Variants in DYM observed in about 807,000 individuals in gnomAD.
The protein encoded by DYM is dyggve-Melchior-Clausen syndrome protein.
A neutral mutation model predicts 93.1 loss-of-function variants in DYM; 78 were observed. The ratio of observed to expected loss-of-function variants is 0.84; its 90% CI spans 0.70 to 1.01. DYM has a LOEUF of 1.01. DYM is among the 50% of genes least tolerant of loss of function. The pLI, the probability that DYM is intolerant of heterozygous loss-of-function variation, is 0.00. For synonymous variants in DYM, 321 were observed against 319.7 expected (o/e 1.00, Z -0.04); for missense variants, 789 against 845.0 (o/e 0.93, Z 0.82).
chr18:49,372,850 G>A (rs1293690947), intron 5 of DYM, among the ~76,000 whole-genome samples: 1 of 151,346 alleles, frequency 6.6e-6, no homozygotes, highest in African/African-American at 2.4e-5. Context: ...GAAAAGGTCT[G>A]TCAGTATGCA....
intron 13 of DYM, among the ~76,000 whole-genome samples, chr18:49,226,456 C>G (rs1352690554): frequency 6.6e-6 from 1 of 152,124 alleles, no homozygotes; most frequent in African/African-American, 2.4e-5. Context: ...TGGCTTGGTT[C>G]CCAGCAATGC....
At chr18:49,448,335 C>T (rs1433997305) in intron 1 of DYM, among the ~76,000 whole-genome samples, 1 of 152,150 alleles carries the variant, frequency 6.6e-6, no homozygotes, top group Non-Finnish European at 1.5e-5. Context: ...GAACCATTAT[C>T]TAAGGGTAAA....
rs200205718 is a variant in DYM at position 49,410,647 on chromosome 18, C to CA, written c.141-19003dup. On this transcript the variant is annotated intron_variant, in intron 2 of 17. Transcript: ENST00000675505. ...CAACATAGTGAGACCTTTTCTCTAC[C>CA]AAAAAAAAAAAAAAAATTAGCTGGG... is the stretch of plus-strand genomic sequence containing the variant. Among the ~76,000 whole-genome samples, 584 of 134,784 alleles carry CA rather than the reference C, an allele frequency of 4.3e-3. 2 individuals carry two copies. Among genetic ancestry groups the CA allele is most frequent in the Non-Finnish European group, 5.8e-3 (356 of 61,762 alleles). 88.4% of individuals were successfully genotyped at this position (134,784 alleles called of 152,430 possible). A position where few individuals can be genotyped will look rare whatever the true frequency, so the allele number is the denominator to read the frequency against.
At chr18:49,108,687 C>T (rs937804502) in intron 16 of DYM, among the ~76,000 whole-genome samples, 1 of 152,196 alleles carries the variant, frequency 6.6e-6, no homozygotes, top group Non-Finnish European at 1.5e-5. Context: ...TTCACGTGCA[C>T]TGATGTTGTT....
intron 13 of DYM, among the ~76,000 whole-genome samples, chr18:49,226,569 G>A (rs1244338033): frequency 6.6e-6 from 1 of 152,138 alleles, no homozygotes; most frequent in Non-Finnish European, 1.5e-5. Context: ...CTCCACAAAT[G>A]CAGACATTCA....
intron 17 of DYM, among the ~76,000 whole-genome samples, chr18:49,083,295 T>C (rs2078219364): frequency 1.3e-5 from 2 of 152,374 alleles, no homozygotes; most frequent in South Asian, 4.1e-4. Flanking sequence ...TCTACTAATA[T>C]GGCATATTAT....
chr18:49,337,124 G>A (rs1195653974), intron 6 of DYM, among the ~76,000 whole-genome samples: 1 of 152,102 alleles, frequency 6.6e-6, no homozygotes, highest in East Asian at 1.9e-4. Flanking sequence ...AAGCGTACAA[G>A]GCATATATAA....
At chr18:49,392,233 CAG>C (rs1203637829) in intron 2 of DYM, among the ~76,000 whole-genome samples, 22 of 152,014 alleles carry the variant, frequency 1.4e-4, no homozygotes, top group African/African-American at 5.1e-4. Context: ...CACAGATAGA[CAG>C]AGACAGAAAT....
intron 14 of DYM, among the ~76,000 whole-genome samples, chr18:49,180,782 T>C (rs904935496): frequency 6.6e-6 from 1 of 152,172 alleles, no homozygotes; most frequent in Non-Finnish European, 1.5e-5. Flanking sequence ...GAGACTCAGT[T>C]TCCTTATACT....
chr18:49,074,821 G>T (rs905733407), intron 17 of DYM, among the ~76,000 whole-genome samples: 25 of 152,192 alleles, frequency 1.6e-4, no homozygotes, highest in Non-Finnish European at 3.2e-4. Context: ...AGTTCCAAGA[G>T]AACTAAAATG....
chr18:49,434,459 G>C (rs903661609), intron 1 of DYM, among the ~76,000 whole-genome samples: 1 of 152,106 alleles, frequency 6.6e-6, no homozygotes, highest in East Asian at 1.9e-4. Flanking sequence ...GGCGGAGGTT[G>C]CAGTGAGCCA....
At chr18:49,248,022 T>G (rs960033695) in intron 13 of DYM, among the ~76,000 whole-genome samples, 24 of 152,192 alleles carry the variant, frequency 1.6e-4, no homozygotes, top group African/African-American at 5.8e-4. Flanking sequence ...CAAACAAGGA[T>G]CAGCAAAGAC....
intron 6 of DYM, among the ~76,000 whole-genome samples, chr18:49,359,159 CCTTTAT>C (rs150757135): frequency 1.1e-3 from 175 of 152,242 alleles, no homozygotes; most frequent in African/African-American, 3.9e-3. Context: ...GAGGAAAATA[CCTTTAT>C]CTTTATTACT....
intron 14 of DYM, among the ~76,000 whole-genome samples, chr18:49,178,461 T>C (rs1321629647): frequency 6.6e-6 from 1 of 152,174 alleles, no homozygotes; most frequent in South Asian, 2.1e-4. Flanking sequence ...GCAAGATCTC[T>C]ATCCCAAATA....
At chr18:49,097,610 C>T (rs1462037870) in intron 16 of DYM, 95 bp from the exon 17 acceptor site, 7 of 1,086,646 alleles carry the variant, frequency 6.4e-6, no homozygotes, top group African/African-American at 4.7e-5. Flanking sequence ...TATCATGATT[C>T]CATTCCTACA....
At chr18:49,291,341 T>A (rs1343129352) in intron 8 of DYM, among the ~76,000 whole-genome samples, 1 of 152,230 alleles carries the variant, frequency 6.6e-6, no homozygotes. Flanking sequence ...TATTTTGTAC[T>A]TTTTACTGAA....
chr18:49,459,875 G>C (rs1201102958), intron 1 of DYM, among the ~76,000 whole-genome samples: 1 of 151,040 alleles, frequency 6.6e-6, no homozygotes, highest in African/African-American at 2.4e-5. Flanking sequence ...GTGTAGGGGA[G>C]AGAAGGAGGA....
chr18:49,425,080 T>C (rs1279603266), intron 2 of DYM, among the ~76,000 whole-genome samples: 1 of 151,866 alleles, frequency 6.6e-6, no homozygotes, highest in Non-Finnish European at 1.5e-5. Flanking sequence ...GAGCCCGCAT[T>C]GCCAAGTCAA....
intron 13 of DYM, among the ~76,000 whole-genome samples, chr18:49,213,849 T>C (rs1029871802): frequency 2.0e-5 from 3 of 152,036 alleles, no homozygotes; most frequent in African/African-American, 7.2e-5. Flanking sequence ...ATAAAGAAAA[T>C]TACCAAAATT....
Sources: allele counts gnomAD v4.1 joint callset (sites outside exome capture counted in the v4.1 genomes callset), GRCh38; gene constraint gnomAD v4.1.1; transcripts MANE v1.5; gene names NCBI Gene and HGNC (gene_info 2026-07-23, HGNC 2026-07-21).